NCAM1: variants seen among roughly 807,000 people sequenced by gnomAD.
NCAM1 encodes the protein antigen recognized by monoclonal antibody 5.1H11.
Under a neutral mutation model 109.8 loss-of-function variants are expected in NCAM1, and 14 were observed. That is an observed-to-expected ratio of 0.13 (90% CI 0.08 to 0.20). The LOEUF (loss-of-function observed/expected upper bound fraction) is 0.20. Ranked by LOEUF, NCAM1 falls within the 10% of genes least tolerant of loss-of-function variation. NCAM1 has a pLI of 1.00. For synonymous variants in NCAM1, 418 were observed against 442.9 expected (o/e 0.94, Z 0.70); for missense variants, 774 against 1,109.9 (o/e 0.70, Z 4.30).
intron 1 of NCAM1, among the ~76,000 whole-genome samples, chr11:113,186,831 C>A (rs1262475789): frequency 6.6e-6 from 1 of 152,228 alleles, no homozygotes; most frequent in Non-Finnish European, 1.5e-5. Flanking sequence ...TCACACACAG[C>A]AGAGGTGCGA....
chr11:113,225,876 A>T (rs1944828812), intron 9 of NCAM1, among the ~76,000 whole-genome samples: 4 of 152,306 alleles, frequency 2.6e-5, no homozygotes, highest in African/African-American at 9.6e-5. Context: ...ACAGACAAGC[A>T]AATGCTGAGA....
intron 15 of NCAM1, 100 bp from the exon 16 acceptor site, chr11:113,255,777 G>T: frequency 7.5e-7 from 1 of 1,340,784 alleles, no homozygotes; most frequent in Non-Finnish European, 1.0e-6. Flanking sequence ...GAGAAAGCAA[G>T]AAAAGTGTCC....
At chr11:113,033,793 G>A (rs904565583) in intron 1 of NCAM1, among the ~76,000 whole-genome samples, 4 of 152,118 alleles carry the variant, frequency 2.6e-5, no homozygotes, top group Admixed American at 2.6e-4. Flanking sequence ...CACTTCTGGT[G>A]GATACTGAAG....
rs79439250 is a variant in NCAM1, at chr11:113,240,703, G to A, written c.1825+5539G>A. The A allele has an allele frequency of 5.0e-3, 6,462 of 1,298,256 alleles. 235 individuals are homozygous for A. The African/African-American group carries it at 0.081, about 16-fold the overall frequency. The allele number at this position is 1,298,256 out of a possible 1,614,324, so 80.4% of individuals were successfully genotyped here. A position where few individuals can be genotyped will look rare whatever the true frequency, so the allele number is the denominator to read the frequency against. On this transcript the variant is annotated intron_variant, in intron 14 of 19. Transcript: ENST00000316851. ...TCAGCTCCTCATACTGATGCCCCAG[G>A]GTTGTTGCTTCCATTTTTTTTTCAT... is the stretch of plus-strand genomic sequence containing the variant.
intron 1 of NCAM1, among the ~76,000 whole-genome samples, chr11:113,085,108 T>C (rs1333771899): frequency 6.6e-6 from 1 of 152,240 alleles, no homozygotes; most frequent in African/African-American, 2.4e-5. Flanking sequence ...ATTTCACTTC[T>C]TATGCTTACT....
chr11:113,170,659 C>T (rs1422855344), intron 1 of NCAM1, among the ~76,000 whole-genome samples: 20 of 151,934 alleles, frequency 1.3e-4, no homozygotes, highest in South Asian at 2.1e-4. Flanking sequence ...CTTTTCATCT[C>T]GGGGCTGCTT....
At chr11:113,264,694 G>C in intron 17 of NCAM1, 1 of 985,462 alleles carries the variant, frequency 1.0e-6, no homozygotes, top group Non-Finnish European at 1.2e-6. Context: ...TTTCTGAAGG[G>C]ACCCTTTGGA....
chr11:113,250,964 AT>A (rs11320300), intron 15 of NCAM1, among the ~76,000 whole-genome samples: 71,075 of 151,882 alleles, frequency 0.47, 17,151 homozygotes, highest in East Asian at 0.6. Context: ...TGCCCAGATA[AT>A]TTTTTTTATT....
chr11:113,045,513 C>A (rs1953234262), intron 1 of NCAM1, among the ~76,000 whole-genome samples: 1 of 152,214 alleles, frequency 6.6e-6, no homozygotes, highest in South Asian at 2.1e-4. Flanking sequence ...CTGGGAACCA[C>A]ATTCGCGAGC....
At chr11:113,074,992 C>T (rs988766706) in intron 1 of NCAM1, among the ~76,000 whole-genome samples, 10 of 152,146 alleles carry the variant, frequency 6.6e-5, no homozygotes, top group Admixed American at 6.5e-4. Flanking sequence ...TGGCTCATGG[C>T]TACATGGCTA....
chr11:113,107,345 T>C (rs547956789), intron 1 of NCAM1, among the ~76,000 whole-genome samples: 1 of 152,300 alleles, frequency 6.6e-6, no homozygotes, highest in Admixed American at 6.5e-5. Context: ...TGAAATAATA[T>C]GTGCAAAGCG....
At chr11:113,215,755 T>C (rs1944507905) in intron 8 of NCAM1, among the ~76,000 whole-genome samples, 1 of 152,252 alleles carries the variant, frequency 6.6e-6, no homozygotes, top group African/African-American at 2.4e-5. Flanking sequence ...TGTTTGAAAC[T>C]GTGAAAACCA....
At chr11:113,137,735 G>C (rs193028823) in intron 1 of NCAM1, among the ~76,000 whole-genome samples, 1 of 152,298 alleles carries the variant, frequency 6.6e-6, no homozygotes, top group East Asian at 1.9e-4. Context: ...ATTTTAAAGA[G>C]CATTTTCTTG....
chr11:113,135,311 A>G (rs1555099183), intron 1 of NCAM1, among the ~76,000 whole-genome samples: 2 of 152,172 alleles, frequency 1.3e-5, no homozygotes, highest in African/African-American at 2.4e-5. Flanking sequence ...ATCTGTAAAA[A>G]AGCATCAAGA....
At chr11:113,258,589 G>A (rs782434924) in intron 16 of NCAM1, among the ~76,000 whole-genome samples, 11 of 152,178 alleles carry the variant, frequency 7.2e-5, no homozygotes, top group Non-Finnish European at 1.6e-4. Flanking sequence ...TAGATCAGTA[G>A]GGTGACTGTA....
At chr11:113,063,601 C>T (rs193054720) in intron 1 of NCAM1, among the ~76,000 whole-genome samples, 2 of 152,166 alleles carry the variant, frequency 1.3e-5, no homozygotes, top group South Asian at 2.1e-4. Context: ...GGAGGCACAC[C>T]GTGGGCCCAT....
chr11:113,205,970 AAG>A, intron 4 of NCAM1, 71 bp from the exon 5 acceptor site: 2 of 1,575,164 alleles, frequency 1.3e-6, no homozygotes, highest in Non-Finnish European at 1.7e-6. Context: ...GGAAAAAGGA[AAG>A]AGACTCAGCC....
At chr11:113,191,966 A>C (rs1235866044) in intron 1 of NCAM1, among the ~76,000 whole-genome samples, 1 of 152,240 alleles carries the variant, frequency 6.6e-6, no homozygotes, top group Non-Finnish European at 1.5e-5. Context: ...TCTCAGGATG[A>C]AGTTGCATGC....
intron 1 of NCAM1, among the ~76,000 whole-genome samples, chr11:113,116,810 C>A (rs561819385): frequency 6.6e-6 from 1 of 151,684 alleles, no homozygotes; most frequent in African/African-American, 2.4e-5. Context: ...TGAAAAGGTG[C>A]CACTGTGTTT....
Sources: allele counts gnomAD v4.1 joint callset (sites outside exome capture counted in the v4.1 genomes callset), GRCh38; gene constraint gnomAD v4.1.1; transcripts MANE v1.5; gene names NCBI Gene and HGNC (gene_info 2026-07-23, HGNC 2026-07-21).